Variants in SLC22A23 observed in about 807,000 individuals in gnomAD.
SLC22A23 encodes the protein ion transporter protein.
Under a neutral mutation model 61.0 loss-of-function variants are expected in SLC22A23, and 26 were observed. The ratio of observed to expected loss-of-function variants is 0.43; its 90% CI spans 0.31 to 0.59. The LOEUF (loss-of-function observed/expected upper bound fraction) is 0.59, where lower values mean the gene tolerates loss of function less well. SLC22A23 is among the 20% of genes least tolerant of loss of function. SLC22A23 has a pLI of 0.11. For missense variants in SLC22A23, 796 were observed against 934.7 expected (o/e 0.85, Z 1.94); for synonymous variants, 430 against 413.9 (o/e 1.04, Z -0.47).
chr6:3,368,522 A>G (rs1159792153), intron 3 of SLC22A23, among the ~76,000 whole-genome samples: 1 of 152,222 alleles, frequency 6.6e-6, no homozygotes, highest in Non-Finnish European at 1.5e-5. Flanking sequence ...GTACTGCCTT[A>G]GAAGGGGCTT....
rs778200947 is a variant in SLC22A23 at position 3,285,065 on chromosome 6, C to T, written c.1579+14G>A. On this transcript the variant is annotated intron_variant, in intron 8 of 9. Transcript: ENST00000406686. Reference sequence around the variant, plus strand: ...ATGAGACGAGGAAGCACAGCCCACGCGCTTGGGACTCACCTGAGTCTGGGT... The same window carrying T: ...ATGAGACGAGGAAGCACAGCCCACGTGCTTGGGACTCACCTGAGTCTGGGT... The T allele has an allele frequency of 1.6e-5, 26 of 1,612,530 alleles. No homozygotes were observed. The highest frequency in any genetic ancestry group is 3.3e-5 in the Admixed American group (2 of 59,882).
rs1430431921 is a variant in SLC22A23, at chr6:3,431,419, AAGGG to A, written c.655-15568_655-15565del. Among the ~76,000 whole-genome samples the A allele has an allele frequency of 2.0e-5, 3 of 152,200 alleles. No individual in the cohort carries two copies. The East Asian group carries it at 5.8e-4, about 29-fold the overall frequency. ...CTCTGCAGGGGACAGGGAAGGGAGA[AAGGG>A]AGGGAGGGCTGTTAAAGGTTCAGCC... On this transcript the variant is annotated intron_variant, in intron 1 of 9. Coordinates refer to ENST00000406686, the MANE Select transcript of SLC22A23 (RefSeq NM_015482.2).
At chr6:3,288,545 T>G (rs1030877550) in intron 6 of SLC22A23, among the ~76,000 whole-genome samples, 1 of 152,238 alleles carries the variant, frequency 6.6e-6, no homozygotes, top group Non-Finnish European at 1.5e-5. Context: ...ACCTTCTTGC[T>G]CTGGTAGAAA....
rs1758593358 is a variant in SLC22A23, at chr6:3,273,217, C to T, written c.1899G>A (p.Gly633=). ...GCAGCGGCTGGCGCGTGTAGTGCTC[C>T]CCGTTAGAAATGTTCTCAGGCAGGT... ...DQNLPENISN[G]EHYTRQPLLP... is the part of the protein sequence containing the mutation. The change falls in exon 10 of 10, where the codon GGG becomes GGA. Residue 633 remains glycine (G), a synonymous_variant. Coordinates refer to ENST00000406686, the MANE Select transcript of SLC22A23 (RefSeq NM_015482.2). 4 of 1,613,046 alleles carry T rather than the reference C, an allele frequency of 2.5e-6. No homozygotes were observed. Among genetic ancestry groups the T allele is most frequent in the South Asian group, 1.1e-5 (1 of 91,026 alleles).
chr6:3,391,849 G>T (rs956095535), intron 3 of SLC22A23, among the ~76,000 whole-genome samples: 1 of 151,874 alleles, frequency 6.6e-6, no homozygotes, highest in Non-Finnish European at 1.5e-5. Flanking sequence ...TGACAAGACC[G>T]GACCAGGCCT....
rs549042927 is a variant in SLC22A23, at chr6:3,427,170, T to C, written c.655-11315A>G. On this transcript the variant is annotated intron_variant, in intron 1 of 9. Coordinates refer to ENST00000406686, the MANE Select transcript of SLC22A23 (RefSeq NM_015482.2). This position sits in a 1 kb window ranked among gnomAD's most constrained non-coding sequence, Gnocchi z 4.3. ...TGTGGGGGCTCAGTTTTAACATCTA[T>C]GACGTAGGAGTCGCAAAACCTTCAC... Among the ~76,000 whole-genome samples, 2 of 152,302 alleles carry C rather than the reference T, an allele frequency of 1.3e-5. No homozygotes were observed. Among genetic ancestry groups the C allele is most frequent in the Admixed American group, 6.5e-5 (1 of 15,308 alleles).
rs1761181670 is a variant in SLC22A23, at chr6:3,297,170, T to G, written c.1210+921A>C. Among the ~76,000 whole-genome samples the G allele has an allele frequency of 6.6e-6, 1 of 152,238 alleles. No individual in the cohort carries two copies. The highest frequency in any genetic ancestry group is 6.5e-5 in the Admixed American group (1 of 15,286). ...TGCCTGTGTCTTCTCTGCTCTAGAATAGCGCCTGAAACACAGCAGGCATCT... is the reference window on the plus strand; with the variant it reads ...TGCCTGTGTCTTCTCTGCTCTAGAAGAGCGCCTGAAACACAGCAGGCATCT... On this transcript the variant is annotated intron_variant, in intron 5 of 9. Transcript: ENST00000406686. The surrounding 1 kb of genome is among the most constrained non-coding windows in gnomAD (Gnocchi z 4.3).
At chr6:3,289,981 CTTTTTTTTTT>C (rs35568219) in intron 5 of SLC22A23, 115 bp from the exon 6 acceptor site, 2 of 448,788 alleles carry the variant, frequency 4.5e-6, no homozygotes, top group Non-Finnish European at 7.9e-6. Context: ...GAGAGAGAAG[CTTTTTTTTTT>C]TTTTTTTTTT....
intron 3 of SLC22A23, among the ~76,000 whole-genome samples, chr6:3,354,937 G>C (rs1764978889): frequency 6.6e-6 from 1 of 152,190 alleles, no homozygotes; most frequent in Non-Finnish European, 1.5e-5. Context: ...CTGAGGGCCA[G>C]AGGGTGACAG....
intron 2 of SLC22A23, among the ~76,000 whole-genome samples, chr6:3,415,375 C>G (rs1769617269): frequency 6.6e-6 from 1 of 152,172 alleles, no homozygotes. Context: ...GGGTCTTTAG[C>G]TTCCCCATCC....
At chr6:3,402,310 A>G (rs1018193457) in intron 3 of SLC22A23, among the ~76,000 whole-genome samples, 3 of 152,180 alleles carry the variant, frequency 2.0e-5, no homozygotes, top group Admixed American at 6.5e-5. Flanking sequence ...ATCTTTCTCA[A>G]TTGAGATCCT....
Position 3,446,751 on chromosome 6 carries a change from C to G in SLC22A23, c.654+9155G>C, listed in dbSNP as rs139036900. Reference sequence around the variant, plus strand: ...TGTCAAAAGCTCTCCTCCCTCCCCTCTGCCTATGGGTGGCTACAGAGCCCC... The same window carrying G: ...TGTCAAAAGCTCTCCTCCCTCCCCTGTGCCTATGGGTGGCTACAGAGCCCC... On this transcript the variant is annotated intron_variant, in intron 1 of 9. Coordinates refer to ENST00000406686, the MANE Select transcript of SLC22A23 (RefSeq NM_015482.2). Among the ~76,000 whole-genome samples, 904 of 152,358 alleles carry G rather than the reference C, an allele frequency of 5.9e-3. 9 individuals are homozygous for G. The highest frequency in any genetic ancestry group is 9.2e-3 in the Non-Finnish European group (624 of 68,030).
chr6:3,391,345 G>C (rs717123), intron 3 of SLC22A23, among the ~76,000 whole-genome samples: 40,034 of 152,212 alleles, frequency 0.26, 5,834 homozygotes, highest in Middle Eastern at 0.38. Flanking sequence ...TCTGGGTCAT[G>C]AGGCTTTGTG....
At position 3,387,309 on chromosome 6, in the gene SLC22A23, G is replaced by A. The variant is rs567419895; in HGVS notation, c.913+22879C>T. ...TGCCTCGATACGACGCCATGAGCAG[G>A]GTGGTGCTCTTCCCCCTAGTCTGAT... On this transcript the variant is annotated intron_variant, in intron 3 of 9. Transcript: ENST00000406686. This position sits in a 1 kb window ranked among gnomAD's most constrained non-coding sequence, Gnocchi z 5.0. Among the ~76,000 whole-genome samples the A allele has an allele frequency of 6.6e-6, 1 of 152,320 alleles. No homozygotes were observed. Among genetic ancestry groups the A allele is most frequent in the South Asian group, 2.1e-4 (1 of 4,826 alleles).
chr6:3,438,864 G>A (rs1265455488), intron 1 of SLC22A23, among the ~76,000 whole-genome samples: 1 of 152,228 alleles, frequency 6.6e-6, no homozygotes, highest in East Asian at 1.9e-4. Flanking sequence ...ACAGAGGGCA[G>A]GGAACCGTGG....
intron 3 of SLC22A23, among the ~76,000 whole-genome samples, chr6:3,407,790 GA>G (rs1351229345): frequency 3.9e-5 from 6 of 152,096 alleles, no homozygotes; most frequent in Admixed American, 3.9e-4. Context: ...CTTTATTGCA[GA>G]AAAAAACCTA....
intron 3 of SLC22A23, among the ~76,000 whole-genome samples, chr6:3,351,758 T>A (rs1044425522): frequency 2.0e-5 from 3 of 152,158 alleles, no homozygotes; most frequent in African/African-American, 7.2e-5. Flanking sequence ...CTATTTGGTA[T>A]CAAAACTGTC....
chr6:3,365,767 A>T (rs1765769252), intron 3 of SLC22A23, among the ~76,000 whole-genome samples: 1 of 152,186 alleles, frequency 6.6e-6, no homozygotes, highest in Non-Finnish European at 1.5e-5. Context: ...AAAACATTTA[A>T]AAAACAGTCA....
At chr6:3,335,724 T>C (rs1763815342) in intron 3 of SLC22A23, among the ~76,000 whole-genome samples, 1 of 152,186 alleles carries the variant, frequency 6.6e-6, no homozygotes, top group Non-Finnish European at 1.5e-5. Flanking sequence ...GCCATTATTT[T>C]TAATGGCAAA....
Sources: gnomAD v4.1 joint callset for allele counts (sites outside exome capture counted in the v4.1 genomes callset) on GRCh38, gnomAD v4.1.1 for gene constraint, Gnocchi (gnomAD v3.1) non-coding constraint, MANE v1.5 for transcripts, NCBI Gene and HGNC (gene_info 2026-07-23, HGNC 2026-07-21) for gene names.